Variants in CPNE9 observed in about 807,000 individuals in gnomAD.
The protein encoded by CPNE9 is copine family member 9.
CPNE9 carries 59 observed loss-of-function variants against 83.0 expected under a neutral mutation model. The ratio of observed to expected loss-of-function variants is 0.71; its 90% CI spans 0.58 to 0.88. CPNE9 has a LOEUF of 0.88. CPNE9 is among the 40% of genes least tolerant of loss of function. CPNE9 has a pLI of 0.00. For synonymous variants in CPNE9, 256 were observed against 273.4 expected (o/e 0.94, Z 0.63); for missense variants, 619 against 720.8 (o/e 0.86, Z 1.62).
At chr3:9,705,417 T>TATAG in intron 4 of CPNE9, 47 bp from the exon 5 acceptor site, 1 of 570,222 alleles carries the variant, frequency 1.8e-6, no homozygotes, top group Non-Finnish European at 3.3e-6. Flanking sequence ...CTTTCCACCC[T>TATAG]CTCCCCCACC....
Position 9,718,463 on chromosome 3 carries a change from A to G in CPNE9, c.1114-12A>G, listed in dbSNP as rs1446105580. 1.2e-6 allele frequency: 2 copies of G among 1,610,946 alleles called. No homozygotes were observed. Among genetic ancestry groups the G allele is most frequent in the African/African-American group, 1.3e-5 (1 of 74,844 alleles). ...GCATGGGCTCAGCCTGGCAGGGCAT[A>G]TTCTTTGACAGAACAACAATGATGA... is the stretch of plus-strand genomic sequence containing the variant. On this transcript the variant is annotated splice_polypyrimidine_tract_variant and intron_variant, in intron 16 of 20. Transcript: ENST00000383832.
intron 20 of CPNE9, 95 bp downstream of exon 20, chr3:9,727,281 T>C: frequency 1.6e-6 from 2 of 1,288,500 alleles, no homozygotes; most frequent in Non-Finnish European, 2.3e-6. Flanking sequence ...CTCAGTCTCC[T>C]ACTTTTTTCC....
rs754308511 is a variant in CPNE9 at position 9,729,535 on chromosome 3, G to A, written c.1505G>A (p.Arg502Gln). 1.1e-5 allele frequency: 17 copies of A among 1,613,718 alleles called. No individual in the cohort carries two copies. Among genetic ancestry groups the A allele is most frequent in the African/African-American group, 6.7e-5 (5 of 74,874 alleles). ...GTCCCATTCCGAGACTATGTTGACC[G>A]GTCGGGGAACCAGGTGTTGAGCATG... The part of the protein sequence containing the change: ...QFVPFRDYVD[R>Q]SGNQVLSMAR... The change falls in exon 21 of 21, where the codon CGG becomes CAG. Residue 502 changes from arginine to glutamine, a missense_variant. Around this residue, in one of 3 missense-constraint regions of CPNE9, gnomAD observed 438 missense variants for 562.9 expected, o/e 0.78. Transcript: ENST00000383832.
chr3:9,704,023 C>T lies in CPNE9; in HGVS notation c.27C>T (p.Arg9=). 1 of 1,608,078 alleles carries T rather than the reference C, an allele frequency of 6.2e-7. No homozygotes were observed. Among genetic ancestry groups the T allele is most frequent in the Non-Finnish European group, 8.5e-7 (1 of 1,178,560 alleles). ...TGTCTCTCGGCGGAGCCTCCGAGCG[C>T]AGCGTCCCGGCCACCAAGATTGAAA... MSLGGASE[R]SVPATKIEIT... The change falls in exon 1 of 21, where the codon CGC becomes CGT. Residue 9 remains arginine, a synonymous_variant. Transcript: ENST00000383832. This position sits in a 1 kb window ranked among gnomAD's most constrained non-coding sequence, Gnocchi z 7.1.
chr3:9,726,618 C>A (rs2076787098), intron 18 of CPNE9, 47 bp from the exon 19 acceptor site: 2 of 1,465,088 alleles, frequency 1.4e-6, no homozygotes, highest in Non-Finnish European at 1.9e-6. Context: ...AGTCACCTCC[C>A]TAGTGATGCC....
chr3:9,703,932 C>T lies in CPNE9; in HGVS notation c.-65C>T. On this transcript the variant is annotated 5_prime_UTR_variant, in exon 1 of 21. Coordinates refer to ENST00000383832, the MANE Select transcript of CPNE9 (RefSeq NM_153635.3). Reference sequence around the variant, plus strand: ...GCACATGGGCCGGCCCCGCCGCTGCCGTCGCCCCTAGCCCCAGCAGCCCTG... The same window carrying T: ...GCACATGGGCCGGCCCCGCCGCTGCTGTCGCCCCTAGCCCCAGCAGCCCTG... 7.4e-7 allele frequency: 1 copy of T among 1,354,468 alleles called. No homozygotes were observed. Among genetic ancestry groups the T allele is most frequent in the Non-Finnish European group, 9.9e-7 (1 of 1,009,460 alleles). 83.9% of individuals were successfully genotyped at this position (1,354,468 alleles called of 1,614,324 possible).
rs377066303 is a variant in CPNE9, at chr3:9,704,701, G to A, written c.110-48G>A. 4 of 1,610,894 alleles carry A rather than the reference G, an allele frequency of 2.5e-6. No individual in the cohort carries two copies. The African/African-American group carries it at 5.3e-5, about 22-fold the overall frequency. The stretch of plus-strand genomic sequence containing the variant: ...TCAGGGGCGGGTGGAGTCGGGGCCA[G>A]GGGTGGGAGCCGACCTGACGTCCTT... On this transcript the variant is annotated intron_variant, in intron 2 of 20. Transcript: ENST00000383832. This position sits in a 1 kb window ranked among gnomAD's most constrained non-coding sequence, Gnocchi z 7.1.
chr3:9,714,738 G>A (rs1005797975), intron 10 of CPNE9, among the ~76,000 whole-genome samples, 176 bp from the exon 11 acceptor site: 1 of 151,650 alleles, frequency 6.6e-6, no homozygotes, highest in Admixed American at 6.6e-5. Flanking sequence ...AGGTGGTTGG[G>A]TACAGGCACA....
At chr3:9,714,639 T>TAAAAAAAAAAAAAAAAAAAAAAAAAA (rs34491669) in intron 10 of CPNE9, among the ~76,000 whole-genome samples, 1 of 103,352 alleles carries the variant, frequency 9.7e-6, no homozygotes, top group Non-Finnish European at 2.0e-5. Context: ...CTCAAAGTGG[T>TAAAAAAAAAAAAAAAAAAAAAAAAAA]AAAAAAAAAA....
chr3:9,714,153 G>A lies in CPNE9; in HGVS notation c.651-761G>A, dbSNP rs144025135. Among the ~76,000 whole-genome samples, 685 of 152,318 alleles carry A rather than the reference G, an allele frequency of 4.5e-3. 5 individuals are homozygous for A. The highest frequency in any genetic ancestry group is 0.015 in the African/African-American group (637 of 41,576). Reference sequence around the variant, plus strand: ...GAATGGATGGGCACATAGATGAGTAGATGAATGGTTATGCTGATGAATGGA... The same window carrying A: ...GAATGGATGGGCACATAGATGAGTAAATGAATGGTTATGCTGATGAATGGA... On this transcript the variant is annotated intron_variant, in intron 10 of 20. Transcript: ENST00000383832.
intron 10 of CPNE9, among the ~76,000 whole-genome samples, chr3:9,714,072 C>CAATA (rs59251577): frequency 0.5 from 74,794 of 148,830 alleles, 20,131 homozygotes; most frequent in African/African-American, 0.72. Flanking sequence ...GACTCCGTCT[C>CAATA]AATAAATAAA....
At chr3:9,714,031 C>T (rs1390743887) in intron 10 of CPNE9, among the ~76,000 whole-genome samples, 1 of 151,978 alleles carries the variant, frequency 6.6e-6, no homozygotes, top group Non-Finnish European at 1.5e-5. Context: ...CGAGATCACG[C>T]CACTGCACTC....
chr3:9,729,573 A>G lies in CPNE9; in HGVS notation c.1543A>G (p.Lys515Glu). The G allele has an allele frequency of 6.2e-7, 1 of 1,614,044 alleles. No homozygotes were observed. The highest frequency in any genetic ancestry group is 8.5e-7 in the Non-Finnish European group (1 of 1,179,994). The change falls in exon 21 of 21, where the codon AAG becomes GAG. Residue 515 changes from lysine (K) to glutamate (E), a missense_variant. By Grantham distance (56) the Lys-to-Glu change is moderately conservative (BLOSUM62 1). Around this residue, in one of 3 missense-constraint regions of CPNE9, gnomAD observed 438 missense variants for 562.9 expected, o/e 0.78. Transcript: ENST00000383832. ...GGTGTTGAGCATGGCCCGACTGGCCAAGGATGTGCTGGCCGAGATCCCGGA... is the reference window on the plus strand; with the variant it reads ...GGTGTTGAGCATGGCCCGACTGGCCGAGGATGTGCTGGCCGAGATCCCGGA... ...NQVLSMARLA[K>E]DVLAEIPEQL...
intron 4 of CPNE9, among the ~76,000 whole-genome samples, chr3:9,705,207 T>A (rs1396270362): frequency 6.6e-6 from 1 of 152,016 alleles, no homozygotes; most frequent in Non-Finnish European, 1.5e-5. Context: ...ACTCTGCTCC[T>A]ATCGCAGCTC....
rs191974418 is a variant in CPNE9, at chr3:9,713,201, T to C, written c.650+122T>C. On this transcript the variant is annotated intron_variant, in intron 10 of 20. Coordinates refer to ENST00000383832, the MANE Select transcript of CPNE9 (RefSeq NM_153635.3). ...GAGGGTCCTGCTCAGTGAGACAGAGTTTGGGGCATGAGGTTGGGTGGATGG... is the reference window on the plus strand; with the variant it reads ...GAGGGTCCTGCTCAGTGAGACAGAGCTTGGGGCATGAGGTTGGGTGGATGG... The C allele has an allele frequency of 6.7e-6, 5 of 744,246 alleles. No homozygotes were observed. The Admixed American group carries it at 1.2e-4, about 18-fold the overall frequency. 46.1% of individuals were successfully genotyped at this position (744,246 alleles called of 1,614,324 possible).
chr3:9,725,867 C>G, intron 17 of CPNE9, 82 bp from the exon 18 acceptor site: 1 of 1,053,330 alleles, frequency 9.5e-7, no homozygotes, highest in Middle Eastern at 2.2e-4. Flanking sequence ...TGCCCACACA[C>G]TGGCTGTGGA....
At chr3:9,706,653 AT>A (rs2125459698) in intron 7 of CPNE9, among the ~76,000 whole-genome samples, 2 of 152,356 alleles carry the variant, frequency 1.3e-5, no homozygotes, top group South Asian at 4.1e-4. Flanking sequence ...ATTAGACAAT[AT>A]TAAGTGCTAT....
intron 17 of CPNE9, among the ~76,000 whole-genome samples, chr3:9,725,255 C>T (rs1345903907): frequency 6.6e-6 from 1 of 152,082 alleles, no homozygotes; most frequent in African/African-American, 2.4e-5. Context: ...TGAAGGCAGA[C>T]CAGGCACGGT....
rs1471627357 is a variant in CPNE9, at chr3:9,729,747, T to C, written c.*55T>C. The C allele has an allele frequency of 1.3e-6, 2 of 1,548,262 alleles. No homozygotes were observed. Among genetic ancestry groups the C allele is most frequent in the African/African-American group, 2.7e-5 (2 of 73,872 alleles). On this transcript the variant is annotated 3_prime_UTR_variant, in exon 21 of 21. Transcript: ENST00000383832. ...TGCAAGCCTGCTCACCCACTGCTTC[T>C]GCTTTAAGCCAGAGGCACCTGGAAC... is the stretch of plus-strand genomic sequence containing the variant.
Sources: allele counts gnomAD v4.1 joint callset (sites outside exome capture counted in the v4.1 genomes callset), GRCh38; gene constraint gnomAD v4.1.1; regional missense constraint gnomAD v4.1.1; non-coding constraint Gnocchi (gnomAD v3.1); transcripts MANE v1.5; gene names NCBI Gene and HGNC (gene_info 2026-07-23, HGNC 2026-07-21).